ZNF34: variants seen among roughly 807,000 people sequenced by gnomAD.
ZNF34 encodes zinc finger protein 34.
Under a neutral mutation model 14.4 loss-of-function variants are expected in ZNF34, and 8 were observed. The ratio of observed to expected loss-of-function variants is 0.55; its 90% CI spans 0.33 to 1.00. ZNF34 has a LOEUF of 1.00. Among genes scored for constraint, ZNF34 ranks in the 50% least tolerant of loss-of-function variants. The pLI is 0.03. For synonymous variants in ZNF34, 235 were observed against 247.9 expected (o/e 0.95, Z 0.49); for missense variants, 538 against 674.2 (o/e 0.80, Z 2.24).
chr8:144,786,455 T>C (rs1021535474), intron 1 of ZNF34, among the ~76,000 whole-genome samples: 1 of 148,838 alleles, frequency 6.7e-6, no homozygotes, highest in Non-Finnish European at 1.5e-5. Context: ...CCAACATGGT[T>C]AAACCCCATC....
chr8:144,773,238 G>A lies in ZNF34; in HGVS notation c.*28C>T, dbSNP rs1021166851. 1 of 1,572,030 alleles carries A rather than the reference G, an allele frequency of 6.4e-7. No individual in the cohort carries two copies. Among genetic ancestry groups the A allele is most frequent in the Non-Finnish European group, 8.7e-7 (1 of 1,155,256 alleles). On this transcript the variant is annotated 3_prime_UTR_variant, in exon 6 of 6. Coordinates refer to ENST00000429371, the MANE Select transcript of ZNF34 (RefSeq NM_001286769.2). This position sits in a 1 kb window ranked among gnomAD's most constrained non-coding sequence, Gnocchi z 5.4. ...GGCGCATGCAGGAAGTGCTCAGCTG[G>A]ACTCTGCCCTCGGACACCGCGCCAC...
chr8:144,779,814 A>G lies in ZNF34; in HGVS notation c.-55+414T>C, dbSNP rs1053940131. ...TCTGGCATGCTAAGCTGTCTCATTCAGGAGGAAAACGACAATACTCATTCA... is the reference window on the plus strand; with the variant it reads ...TCTGGCATGCTAAGCTGTCTCATTCGGGAGGAAAACGACAATACTCATTCA... On this transcript the variant is annotated intron_variant, in intron 2 of 5. Coordinates refer to ENST00000429371, the MANE Select transcript of ZNF34 (RefSeq NM_001286769.2). The surrounding 1 kb of genome is among the most constrained non-coding windows in gnomAD (Gnocchi z 4.1). Among the ~76,000 whole-genome samples, 1 of 152,102 alleles carries G rather than the reference A, an allele frequency of 6.6e-6. No individual in the cohort carries two copies. Among genetic ancestry groups the G allele is most frequent in the Non-Finnish European group, 1.5e-5 (1 of 68,010 alleles).
rs1825746628 is a variant in ZNF34 at position 144,779,735 on chromosome 8, C to T, written c.-55+493G>A. Reference sequence around the variant, plus strand: ...TAAAGGAGTGCACCAAAGTGCCCAGCCTCCAGTCACCTCTACTGCCTGCTG... The same window carrying T: ...TAAAGGAGTGCACCAAAGTGCCCAGTCTCCAGTCACCTCTACTGCCTGCTG... On this transcript the variant is annotated intron_variant, in intron 2 of 5. Coordinates refer to ENST00000429371, the MANE Select transcript of ZNF34 (RefSeq NM_001286769.2). The surrounding 1 kb of genome is among the most constrained non-coding windows in gnomAD (Gnocchi z 4.1). Among the ~76,000 whole-genome samples, 1 of 152,166 alleles carries T rather than the reference C, an allele frequency of 6.6e-6. No individual in the cohort carries two copies. Among genetic ancestry groups the T allele is most frequent in the Non-Finnish European group, 1.5e-5 (1 of 68,040 alleles).
At chr8:144,784,162 GA>G (rs59291940) in intron 1 of ZNF34, among the ~76,000 whole-genome samples, 111 of 93,230 alleles carry the variant, frequency 1.2e-3, no homozygotes, top group Admixed American at 3.3e-3. Context: ...TACGTCTCCA[GA>G]AAAAAAAAAA....
intron 5 of ZNF34, among the ~76,000 whole-genome samples, chr8:144,775,818 C>T (rs1003222035): frequency 5.4e-5 from 8 of 148,160 alleles, no homozygotes; most frequent in Admixed American, 2.1e-4. Context: ...TAGATATTTA[C>T]ATTCAAATAA....
At chr8:144,785,198 T>C (rs1266958447) in intron 1 of ZNF34, 4 of 151,616 alleles carry the variant, frequency 2.6e-5, no homozygotes, top group Admixed American at 6.6e-5. Context: ...GTGAAAGATA[T>C]TTGCAGACAC....
intron 5 of ZNF34, among the ~76,000 whole-genome samples, chr8:144,775,105 C>A (rs1360853356): frequency 6.6e-6 from 1 of 152,256 alleles, no homozygotes; most frequent in African/African-American, 2.4e-5. Flanking sequence ...CAGTGCCCAG[C>A]ACAGTGAGTT....
intron 3 of ZNF34, 106 bp downstream of exon 3, chr8:144,778,333 C>A: frequency 7.3e-7 from 1 of 1,364,888 alleles, no homozygotes; most frequent in Non-Finnish European, 9.9e-7. Context: ...GTCTCAGGGC[C>A]ACCCCTACCA....
chr8:144,780,026 CAA>C (rs10710060), intron 2 of ZNF34, among the ~76,000 whole-genome samples, 200 bp downstream of exon 2: 24 of 101,648 alleles, frequency 2.4e-4, no homozygotes, highest in African/African-American at 6.4e-4. Flanking sequence ...TTAATGCTAC[CAA>C]AAAAAAAAAA....
chr8:144,786,840 T>A (rs1173915619), intron 1 of ZNF34, among the ~76,000 whole-genome samples: 3 of 151,522 alleles, frequency 2.0e-5, no homozygotes, highest in African/African-American at 7.3e-5. Context: ...AGGGGCGGCA[T>A]TCGCAGAGGG....
chr8:144,782,981 A>G (rs1180293511), intron 1 of ZNF34, among the ~76,000 whole-genome samples: 3 of 150,982 alleles, frequency 2.0e-5, no homozygotes, highest in Non-Finnish European at 4.4e-5. Context: ...GGTTAAAATA[A>G]AACCATTTTA....
At chr8:144,775,094 C>G (rs1825423691) in intron 5 of ZNF34, among the ~76,000 whole-genome samples, 1 of 152,238 alleles carries the variant, frequency 6.6e-6, no homozygotes, top group Admixed American at 6.5e-5. Context: ...AGCACTCAGC[C>G]CAGTGCCCAG....
intron 1 of ZNF34, among the ~76,000 whole-genome samples, chr8:144,782,490 C>CAAAAACA (rs781098512): frequency 6.6e-6 from 1 of 150,468 alleles, no homozygotes; most frequent in African/African-American, 2.4e-5. Context: ...AGACTCTGTC[C>CAAAAACA]AAAAACAAAA....
chr8:144,778,074 C>A lies in ZNF34; in HGVS notation c.124G>T (p.Val42Leu), dbSNP rs776089030. Reference sequence around the variant, plus strand: ...AGGTTCCCGTAGGTCTCCAGCATCACGTCCCTGTAGAGGCCCCTCTGAGCA... The same window carrying A: ...AGGTTCCCGTAGGTCTCCAGCATCAAGTCCCTGTAGAGGCCCCTCTGAGCA... ...GPAQRGLYRD[V>L]MLETYGNLVS... The change falls in exon 4 of 6, where the codon GTG (valine) becomes TTG (leucine). Residue 42 changes from valine to leucine, a missense_variant. Physicochemically the swap from Val to Leu is conservative, Grantham distance 32. Transcript: ENST00000429371. 1.9e-6 allele frequency: 3 copies of A among 1,614,074 alleles called. No individual in the cohort carries two copies. The highest frequency in any genetic ancestry group is 2.7e-5 in the African/African-American group (2 of 75,042).
At chr8:144,778,368 A>G in intron 3 of ZNF34, 71 bp downstream of exon 3, 7 of 1,422,926 alleles carry the variant, frequency 4.9e-6, no homozygotes, top group Non-Finnish European at 6.6e-6. Flanking sequence ...CAAACCAGAG[A>G]CACCTGGCAG....
rs2958497 is a variant in ZNF34 at position 144,785,785 on chromosome 8, T to C, written c.-108+1494A>G. Among the ~76,000 whole-genome samples, 1,074 of 152,094 alleles carry C rather than the reference T, an allele frequency of 7.1e-3. 15 individuals are homozygous for C. The highest frequency in any genetic ancestry group is 0.025 in the African/African-American group (1,023 of 41,478). ...GGAAACCCCACTCGAAGTATGTACTTTATGGAGACTCTTGCTAATGCACAC... is the reference window on the plus strand; with the variant it reads ...GGAAACCCCACTCGAAGTATGTACTCTATGGAGACTCTTGCTAATGCACAC... On this transcript the variant is annotated intron_variant, in intron 1 of 5. Transcript: ENST00000429371.
intron 1 of ZNF34, among the ~76,000 whole-genome samples, chr8:144,785,834 C>T (rs764330499): frequency 6.6e-6 from 1 of 151,950 alleles, no homozygotes; most frequent in Non-Finnish European, 1.5e-5. Flanking sequence ...AAAATGTTAC[C>T]ATGTGCCTGT....
chr8:144,781,133 T>G (rs1825852204), intron 1 of ZNF34, among the ~76,000 whole-genome samples: 1 of 66,840 alleles, frequency 1.5e-5, no homozygotes, highest in African/African-American at 5.8e-5. Context: ...AGACTCCATC[T>G]CAAATAAATA....
intron 5 of ZNF34, 61 bp from the exon 6 acceptor site, chr8:144,774,666 G>T: frequency 1.3e-6 from 2 of 1,534,976 alleles, no homozygotes; most frequent in Non-Finnish European, 1.7e-6. Context: ...GTAGGCATGA[G>T]ATGCTGCTGG....
Sources: allele counts gnomAD v4.1 joint callset (sites outside exome capture counted in the v4.1 genomes callset), GRCh38; gene constraint gnomAD v4.1.1; non-coding constraint Gnocchi (gnomAD v3.1); transcripts MANE v1.5; gene names NCBI Gene and HGNC (gene_info 2026-07-23, HGNC 2026-07-21).